COQ10B: variants seen among roughly 807,000 people sequenced by gnomAD.
The protein encoded by COQ10B is coenzyme Q10B.
COQ10B carries 12 observed loss-of-function variants against 27.6 expected under a neutral mutation model. The ratio of observed to expected loss-of-function variants is 0.43; its 90% confidence interval spans 0.28 to 0.70. The LOEUF is 0.70. Among genes scored for constraint, COQ10B ranks in the 30% least tolerant of loss-of-function variants. The pLI, the probability that COQ10B is intolerant of heterozygous loss-of-function variation, is 0.17. For missense variants in COQ10B, 278 were observed against 288.7 expected, an observed-to-expected ratio of 0.96 and a Z score of 0.27; for synonymous variants, 115 against 103.0, an observed-to-expected ratio of 1.12 and a Z score of -0.71.
At chr2:197,461,755 C>T (rs1004130814) in intron 2 of COQ10B, among the ~76,000 whole-genome samples, 1 of 151,990 alleles carries the variant, frequency 6.6e-6, no homozygotes, top group Non-Finnish European at 1.5e-5. Flanking sequence ...AATCTCATGT[C>T]TCAGCCTCCC....
chr2:197,455,895 G>A (rs1050508436), intron 1 of COQ10B, among the ~76,000 whole-genome samples: 1 of 152,120 alleles, frequency 6.6e-6, no homozygotes, highest in African/African-American at 2.4e-5. Context: ...GGCAGTGGAG[G>A]CTGCGGTGTG....
intron 3 of COQ10B, among the ~76,000 whole-genome samples, chr2:197,469,380 T>A (rs1013412426): frequency 5.9e-5 from 9 of 152,086 alleles, no homozygotes; most frequent in African/African-American, 2.2e-4. Context: ...ACAATAAGTA[T>A]TTTTTTTATG....
chr2:197,460,687 A>G (rs891663151), intron 2 of COQ10B, among the ~76,000 whole-genome samples: 2 of 152,228 alleles, frequency 1.3e-5, no homozygotes, highest in African/African-American at 2.4e-5. Flanking sequence ...ATAGATATAC[A>G]TAGATAAGTA....
intron 3 of COQ10B, among the ~76,000 whole-genome samples, chr2:197,465,014 T>A (rs2085809225): frequency 6.6e-6 from 1 of 151,570 alleles, no homozygotes; most frequent in African/African-American, 2.4e-5. Flanking sequence ...GCCTCCCGAG[T>A]AGCGGGGGCT....
At chr2:197,459,900 C>G (rs1377992073) in intron 1 of COQ10B, 32 bp from the exon 2 acceptor site, 1 of 1,510,400 alleles carries the variant, frequency 6.6e-7, no homozygotes, top group Non-Finnish European at 8.9e-7. Context: ...TTTTTACTGT[C>G]ACTCTAAATC....
chr2:197,462,075 C>T (rs1382518953), intron 2 of COQ10B, among the ~76,000 whole-genome samples: 1 of 152,006 alleles, frequency 6.6e-6, no homozygotes, highest in South Asian at 2.1e-4. Context: ...CGAGACCGTT[C>T]TGGCTAACAC....
chr2:197,454,505 C>A (rs1005094706), intron 1 of COQ10B, among the ~76,000 whole-genome samples: 1 of 151,816 alleles, frequency 6.6e-6, no homozygotes, highest in African/African-American at 2.4e-5. Flanking sequence ...AAAAAAGATT[C>A]AATGAAGAAT....
chr2:197,467,863 G>GAA (rs1302889575), intron 3 of COQ10B, among the ~76,000 whole-genome samples: 1 of 152,196 alleles, frequency 6.6e-6, no homozygotes, highest in Non-Finnish European at 1.5e-5. Flanking sequence ...TTAATGGCCA[G>GAA]AAGCCCTTGA....
chr2:197,454,216 C>T (rs1035324419), intron 1 of COQ10B: 29 of 1,307,764 alleles, frequency 2.2e-5, no homozygotes, highest in Non-Finnish European at 2.9e-5. Flanking sequence ...GTCCTGTAAC[C>T]TTGAAGCATA....
chr2:197,466,773 T>G (rs570361052), intron 3 of COQ10B, among the ~76,000 whole-genome samples: 2 of 152,142 alleles, frequency 1.3e-5, no homozygotes, highest in Non-Finnish European at 2.9e-5. Context: ...TTGGGCAAAT[T>G]CACACTTGCA....
chr2:197,461,712 C>T (rs1294493865), intron 2 of COQ10B, among the ~76,000 whole-genome samples: 2 of 151,874 alleles, frequency 1.3e-5, no homozygotes, highest in Admixed American at 1.3e-4. Flanking sequence ...ATGATCTTCA[C>T]TCACTGCAAC....
Position 197,462,671 on chromosome 2 carries a change from T to C in COQ10B, c.387T>C (p.Phe129=), listed in dbSNP as rs1177614716. Residue 129 remains phenylalanine (F), a synonymous_variant, in exon 3 of 5, where the codon TTT becomes TTC. Transcript: ENST00000263960. The stretch of plus-strand genomic sequence containing the variant: ...GTAAAACAAGATTAGAAATTGGATT[T>C]CCACCTGTGTTGGAGCGATATACAT... ...GYCKTRLEIG[F]PPVLERYTSV... The C allele has an allele frequency of 6.2e-7, 1 of 1,605,272 alleles. No individual in the cohort carries two copies. The highest frequency in any genetic ancestry group is 8.5e-7 in the Non-Finnish European group (1 of 1,176,346).
At chr2:197,456,167 T>TA (rs931952911) in intron 1 of COQ10B, among the ~76,000 whole-genome samples, 6 of 151,874 alleles carry the variant, frequency 4.0e-5, no homozygotes, top group African/African-American at 2.4e-5. Flanking sequence ...ATGTGGAAGC[T>TA]AAAAAAAGTT....
chr2:197,462,839 A>T, intron 3 of COQ10B, 108 bp downstream of exon 3: 1 of 598,648 alleles, frequency 1.7e-6, no homozygotes, highest in Non-Finnish European at 2.8e-6. Context: ...TAACAGGAGG[A>T]GGGTAAAAAA....
chr2:197,453,931 G>T, intron 1 of COQ10B: 1 of 1,543,062 alleles, frequency 6.5e-7, no homozygotes, highest in Non-Finnish European at 8.8e-7. Context: ...TTTGGCCATT[G>T]GTGCCTTTGG....
intron 3 of COQ10B, among the ~76,000 whole-genome samples, chr2:197,468,873 TAA>T (rs927409437): frequency 1.3e-5 from 2 of 149,928 alleles, no homozygotes; most frequent in African/African-American, 4.9e-5. Context: ...TGGGAAAAAA[TAA>T]AAATAAAAAT....
chr2:197,469,870 A>G (rs1404937582), intron 3 of COQ10B, among the ~76,000 whole-genome samples, 200 bp from the exon 4 acceptor site: 1 of 151,888 alleles, frequency 6.6e-6, no homozygotes, highest in African/African-American at 2.4e-5. Context: ...GGATCCCTGC[A>G]GGAAAAAAAA....
intron 2 of COQ10B, 95 bp downstream of exon 2, chr2:197,460,176 C>A: frequency 3.8e-6 from 3 of 788,946 alleles, no homozygotes; most frequent in Non-Finnish European, 3.8e-6. Flanking sequence ...TATCTTCTTA[C>A]AGACTAAGCT....
At chr2:197,472,765 A>G (rs1344746639) in intron 4 of COQ10B, among the ~76,000 whole-genome samples, 2 of 131,494 alleles carry the variant, frequency 1.5e-5, no homozygotes, top group Non-Finnish European at 3.1e-5. Flanking sequence ...AGGTTGGGCC[A>G]TTTCCAGCCT....
Sources: allele counts gnomAD v4.1 joint callset (sites outside exome capture counted in the v4.1 genomes callset), GRCh38; gene constraint gnomAD v4.1.1; transcripts MANE v1.5; gene names NCBI Gene and HGNC (gene_info 2026-07-23, HGNC 2026-07-21).